Variants in KLRG1 observed in about 807,000 individuals in gnomAD.
The protein encoded by KLRG1 is killer cell lectin-like receptor subfamily G member 1.
Under a neutral mutation model 21.8 loss-of-function variants are expected in KLRG1, and 16 were observed. The observed-to-expected ratio is 0.73, with a 90% CI of 0.50 to 1.11. KLRG1 has a LOEUF of 1.11. Ranked by LOEUF, KLRG1 falls within the 50% of genes most tolerant of loss-of-function variation. KLRG1 has a pLI of 0.00. For synonymous variants in KLRG1, 69 were observed against 75.9 expected, an observed-to-expected ratio of 0.91 and a Z score of 0.47; for missense variants, 173 against 218.3, an observed-to-expected ratio of 0.79 and a Z score of 1.31.
the KLRG1 span, chr12:9,095,775 C>G: frequency 2.0e-6 from 2 of 1,008,204 alleles, no homozygotes; most frequent in Non-Finnish European, 2.7e-6. Context: ...TTTTTTGAGA[C>G]GGAGTCTCGC....
the KLRG1 span, chr12:9,151,672 G>A: frequency 1.9e-6 from 3 of 1,613,208 alleles, no homozygotes; most frequent in African/African-American, 2.7e-5. Flanking sequence ...GATCTTTCAA[G>A]CTGGAGAGAA....
chr12:9,172,933 A>G, the KLRG1 span, among the ~76,000 whole-genome samples: 456 of 152,370 alleles, frequency 3.0e-3, 2 homozygotes, highest in African/African-American at 0.011. Context: ...CAGAAAATTA[A>G]CAAAGATATT....
intron 1 of KLRG1, among the ~76,000 whole-genome samples, chr12:8,980,860 G>A (rs1946743651): frequency 6.6e-6 from 1 of 152,170 alleles, no homozygotes. Context: ...AGAGTCCTGA[G>A]TGGCACAGGT....
the KLRG1 span, among the ~76,000 whole-genome samples, chr12:9,184,246 G>A: frequency 5.9e-5 from 9 of 152,060 alleles, no homozygotes; most frequent in African/African-American, 1.9e-4. Flanking sequence ...CACTAAGCTC[G>A]CCAACCCCAC....
the KLRG1 span, among the ~76,000 whole-genome samples, chr12:9,130,264 A>G: frequency 6.6e-6 from 1 of 152,236 alleles, no homozygotes; most frequent in Non-Finnish European, 1.5e-5. Flanking sequence ...ACTGTGGTAT[A>G]TAAATATCTC....
the KLRG1 span, chr12:9,101,185 A>G: frequency 6.4e-7 from 1 of 1,561,400 alleles, no homozygotes. Flanking sequence ...CCCAGTTCGG[A>G]CAATGCCTCC....
chr12:9,094,906 A>G, the KLRG1 span: 2 of 830,922 alleles, frequency 2.4e-6, no homozygotes, highest in East Asian at 3.0e-5. Context: ...GTCACATTGT[A>G]TCTTTTAAAA....
At chr12:9,090,334 T>A in the KLRG1 span, 1 of 1,613,946 alleles carries the variant, frequency 6.2e-7, no homozygotes, top group Non-Finnish European at 8.5e-7. Flanking sequence ...TAGAGAATTA[T>A]CTCTAGCAGT....
chr12:9,112,156 C>T, the KLRG1 span: 1 of 1,613,618 alleles, frequency 6.2e-7, no homozygotes, highest in Middle Eastern at 1.7e-4. Flanking sequence ...ATAGAAAACT[C>T]ACCAACTCAT....
chr12:9,054,230 T>G, the KLRG1 span, among the ~76,000 whole-genome samples: 1 of 152,204 alleles, frequency 6.6e-6, no homozygotes, highest in Non-Finnish European at 1.5e-5. Context: ...CATGTTTATT[T>G]CAATGTTCAA....
At chr12:9,012,727 G>T (rs1391606734), downstream of KLRG1, among the ~76,000 whole-genome samples, 2 of 152,052 alleles carry the variant, frequency 1.3e-5, no homozygotes, top group Non-Finnish European at 2.9e-5. Flanking sequence ...CTTGATTCCA[G>T]GCTCCTGGAC....
the KLRG1 span, chr12:9,128,458 A>T: frequency 6.6e-6 from 1 of 152,606 alleles, no homozygotes; most frequent in Non-Finnish European, 1.5e-5. Context: ...GTACTGCAGG[A>T]ACGGAGGCCT....
chr12:9,103,618 T>C, the KLRG1 span, among the ~76,000 whole-genome samples: 5 of 152,218 alleles, frequency 3.3e-5, no homozygotes, highest in Non-Finnish European at 7.3e-5. Flanking sequence ...TCTGTTTCTA[T>C]GACTTTGACT....
At chr12:9,025,530 A>T in the KLRG1 span, among the ~76,000 whole-genome samples, 14 of 152,294 alleles carry the variant, frequency 9.2e-5, no homozygotes, top group Non-Finnish European at 1.5e-4. Context: ...CCAGCTACTC[A>T]GGAGAGTGAG....
Position 9,010,205 on chromosome 12 carries a change from T to G in KLRG1, c.*668T>G. On this transcript the variant is annotated 3_prime_UTR_variant, in exon 5 of 5. Transcript: ENST00000356986. ...CATCTCTAAAAAAAAAAAAAAATGC[T>G]AATGTGAGAATATAAATTGTGGGAA... The G allele has an allele frequency of 1.9e-6, 1 of 527,950 alleles. No individual in the cohort carries two copies. 32.7% of individuals were successfully genotyped at this position (527,950 alleles called of 1,614,324 possible).
At chr12:9,077,298 C>T in the KLRG1 span, 1 of 1,531,998 alleles carries the variant, frequency 6.5e-7, no homozygotes, top group East Asian at 2.3e-5. Context: ...TCAGCAGTTT[C>T]ATTGCATCCA....
At chr12:8,991,560 A>G (rs1172161137) in intron 1 of KLRG1, among the ~76,000 whole-genome samples, 1 of 152,152 alleles carries the variant, frequency 6.6e-6, no homozygotes, top group Non-Finnish European at 1.5e-5. Flanking sequence ...CAATGTTATC[A>G]GATTCTTGAG....
chr12:9,157,348 A>C, the KLRG1 span: 2 of 1,612,650 alleles, frequency 1.2e-6, no homozygotes, highest in South Asian at 2.2e-5. Flanking sequence ...ATTGCGAACA[A>C]TAGGGTTCTG....
In KLRG1 at chr12:8,960,054, A is replaced by C. The variant is rs760211069; in HGVS notation, c.-156+9818A>C. 4.6e-5 allele frequency among the ~76,000 whole-genome samples: 7 copies of C among 152,300 alleles called. No homozygotes were observed. In the South Asian group the frequency reaches 8.3e-4, roughly 18 times the overall value. On this transcript the variant is annotated intron_variant, in intron 1 of 4. Transcript: ENST00000539240. ...ATTCTTCTATCTTAAACAACTGGCA[A>C]ACTGGGAAAATATATGGAACAATGG...
Sources: allele counts gnomAD v4.1 joint callset (sites outside exome capture counted in the v4.1 genomes callset), GRCh38; gene constraint gnomAD v4.1.1; transcripts MANE v1.5; gene names NCBI Gene and HGNC (gene_info 2026-07-23, HGNC 2026-07-21).